Variants in RASGEF1B observed in about 807,000 individuals in gnomAD.
RASGEF1B encodes ras-GEF domain-containing family member 1B.
In RASGEF1B, 30 loss-of-function variants were observed where a neutral mutation model predicts 65.7. The ratio of observed to expected loss-of-function variants is 0.46; its 90% CI spans 0.34 to 0.62. RASGEF1B has a LOEUF of 0.62. Ranked by LOEUF, RASGEF1B falls within the 20% of genes least tolerant of loss-of-function variation. The probability of loss-of-function intolerance (pLI) is 0.01; values close to 1 mark genes in which losing one functional copy is unlikely to be tolerated. For synonymous variants in RASGEF1B, 175 were observed against 194.8 expected (o/e 0.90, Z 0.85); for missense variants, 495 against 580.1 (o/e 0.85, Z 1.51).
At chr4:81,436,873 A>G (rs1349242458) in intron 10 of RASGEF1B, among the ~76,000 whole-genome samples, 2 of 152,242 alleles carry the variant, frequency 1.3e-5, no homozygotes, top group African/African-American at 4.8e-5. Context: ...ACCAAAATGA[A>G]TCTTCTGTTT....
intron 8 of RASGEF1B, among the ~76,000 whole-genome samples, chr4:81,444,108 CT>C (rs1721939394): frequency 6.6e-6 from 1 of 151,834 alleles, no homozygotes; most frequent in African/African-American, 2.4e-5. Flanking sequence ...CTGTTTCAGT[CT>C]TTTGGCCTTT....
At chr4:81,465,565 G>C (rs1722777918) in intron 1 of RASGEF1B, among the ~76,000 whole-genome samples, 1 of 152,190 alleles carries the variant, frequency 6.6e-6, no homozygotes, top group Non-Finnish European at 1.5e-5. Context: ...TGATCCAGCA[G>C]CAAGGAAGCA....
chr4:81,447,552 T>C lies in RASGEF1B; in HGVS notation c.681A>G (p.Glu227=), dbSNP rs376060190. Residue 227 remains glutamate, a synonymous_variant, in exon 6 of 14, where the codon GAA becomes GAG. Transcript: ENST00000264400. ...TCTGCACGAACGCCTGAACAAATTC[T>C]TCTGGCCCAATATAATTGAGCCTCT... is the stretch of plus-strand genomic sequence containing the variant. ...ELERLNYIGP[E]EFVQAFVQKD... The C allele has an allele frequency of 5.6e-6, 9 of 1,613,956 alleles. No homozygotes were observed. Among genetic ancestry groups the C allele is most frequent in the Non-Finnish European group, 7.6e-6 (9 of 1,179,964 alleles).
At chr4:81,441,540 A>AT (rs552908407) in intron 9 of RASGEF1B, among the ~76,000 whole-genome samples, 6,959 of 133,796 alleles carry the variant, frequency 0.052, 302 homozygotes, top group Middle Eastern at 0.096. Context: ...CTTGCACGCG[A>AT]TTTTTTTTTT....
intron 13 of RASGEF1B, among the ~76,000 whole-genome samples, chr4:81,431,049 G>A (rs539086270): frequency 6.6e-6 from 1 of 152,060 alleles, no homozygotes; most frequent in Non-Finnish European, 1.5e-5. Context: ...ACATATGGAA[G>A]GCAAAATGTA....
intron 4 of RASGEF1B, chr4:81,452,217 T>G (rs1722284447): frequency 6.6e-6 from 1 of 152,464 alleles, no homozygotes; most frequent in African/African-American, 2.4e-5. Flanking sequence ...TTCAAGCAAT[T>G]CTCCTGCCTC....
chr4:81,431,250 A>AATAT (rs113190467), intron 13 of RASGEF1B, among the ~76,000 whole-genome samples: 33 of 146,968 alleles, frequency 2.2e-4, no homozygotes, highest in African/African-American at 5.9e-4. Context: ...TATTTTATAT[A>AATAT]ATATATATAT....
At position 81,447,529 on chromosome 4, in the gene RASGEF1B, T is replaced by G. The variant is rs1262856500; in HGVS notation, c.704A>C (p.Gln235Pro). The change falls in exon 6 of 14, where the codon CAG becomes CCG. Residue 235 changes from glutamine to proline, a missense_variant. Physicochemically the swap from Gln to Pro is moderately conservative, Grantham distance 76 (BLOSUM62 -1). Coordinates refer to ENST00000264400, the MANE Select transcript of RASGEF1B (RefSeq NM_152545.3). ...GPEEFVQAFVQKDPLDNDKSC... is the reference protein window; with the variant it reads ...GPEEFVQAFVPKDPLDNDKSC... The stretch of plus-strand genomic sequence containing the variant: ...CTTGTCATTATCCAAAGGGTCCTTC[T>G]GCACGAACGCCTGAACAAATTCTTC... 1 of 1,613,978 alleles carries G rather than the reference T, an allele frequency of 6.2e-7. No individual in the cohort carries two copies. Among genetic ancestry groups the G allele is most frequent in the Non-Finnish European group, 8.5e-7 (1 of 1,179,982 alleles).
chr4:81,461,621 T>G (rs562082524), intron 1 of RASGEF1B, among the ~76,000 whole-genome samples: 6 of 152,338 alleles, frequency 3.9e-5, no homozygotes, highest in Admixed American at 2.0e-4. Context: ...ACATTTCATT[T>G]CACTTTCCTT....
At chr4:81,449,962 C>T (rs987139877) in intron 4 of RASGEF1B, among the ~76,000 whole-genome samples, 3 of 152,104 alleles carry the variant, frequency 2.0e-5, no homozygotes, top group Admixed American at 2.0e-4. Flanking sequence ...TAGATGACCC[C>T]TATTTTTCTC....
intron 1 of RASGEF1B, among the ~76,000 whole-genome samples, chr4:81,470,654 T>C (rs1272175221): frequency 1.3e-5 from 2 of 152,180 alleles, no homozygotes; most frequent in Admixed American, 6.5e-5. Context: ...CCCAAACACA[T>C]ACACAAATTT....
At chr4:81,469,790 T>TTAG (rs1481277963) in intron 1 of RASGEF1B, among the ~76,000 whole-genome samples, 1 of 152,128 alleles carries the variant, frequency 6.6e-6, no homozygotes, top group Non-Finnish European at 1.5e-5. Flanking sequence ...ATTAGATGTG[T>TTAG]TAGTATCAGA....
chr4:81,466,773 A>AAAGAAAGAAAGAAAGAAAGAAG (rs1491383717), intron 1 of RASGEF1B, among the ~76,000 whole-genome samples: 4 of 81,188 alleles, frequency 4.9e-5, no homozygotes, highest in South Asian at 3.9e-4. Context: ...AAAAAAAAAA[A>AAAGAAAGAAAGAAAGAAAGAAG]GAAAGAAAGA....
At chr4:81,460,704 A>T (rs1722612215) in intron 1 of RASGEF1B, among the ~76,000 whole-genome samples, 1 of 152,214 alleles carries the variant, frequency 6.6e-6, no homozygotes, top group Non-Finnish European at 1.5e-5. Flanking sequence ...GTGGGGCATT[A>T]AGAGAAAACA....
intron 13 of RASGEF1B, among the ~76,000 whole-genome samples, chr4:81,431,339 G>A (rs1465566198): frequency 1.3e-5 from 2 of 151,448 alleles, no homozygotes; most frequent in African/African-American, 4.8e-5. Flanking sequence ...TATATCCCAT[G>A]GCTTTAGGCA....
rs149673218 is a variant in RASGEF1B at position 81,432,446 on chromosome 4, G to C, written c.1325-75C>G. 6.6e-6 allele frequency: 6 copies of C among 906,896 alleles called. No individual in the cohort carries two copies. In the African/African-American group the frequency reaches 9.9e-5, roughly 15 times the overall value. The allele number at this position is 906,896 out of a possible 1,614,324, so 56.2% of individuals were successfully genotyped here. A position where few individuals can be genotyped will look rare whatever the true frequency, so the allele number is the denominator to read the frequency against. On this transcript the variant is annotated intron_variant, in intron 12 of 13. Coordinates refer to ENST00000264400, the MANE Select transcript of RASGEF1B (RefSeq NM_152545.3). ...ATATTATCTACCACCACCCTTGTTCGACTTGAGCCAAACTCCATAGCAAAA... is the reference window on the plus strand; with the variant it reads ...ATATTATCTACCACCACCCTTGTTCCACTTGAGCCAAACTCCATAGCAAAA...
intron 10 of RASGEF1B, among the ~76,000 whole-genome samples, chr4:81,438,005 C>T (rs1007865460): frequency 1.2e-4 from 19 of 152,140 alleles, no homozygotes; most frequent in African/African-American, 3.6e-4. Context: ...ATAATATTTT[C>T]GAATTTCCTT....
chr4:81,437,224 T>C (rs189128933), intron 10 of RASGEF1B, among the ~76,000 whole-genome samples: 3 of 152,294 alleles, frequency 2.0e-5, no homozygotes, highest in Admixed American at 2.0e-4. Context: ...ACATTTTACA[T>C]TTGTTAAGTA....
Position 81,454,798 on chromosome 4 carries a change from A to G in RASGEF1B, c.438+1853T>C, listed in dbSNP as rs543157852. 2.0e-5 allele frequency: 3 copies of G among 152,344 alleles called. No individual in the cohort carries two copies. The South Asian group carries it at 6.2e-4, about 32-fold the overall frequency. The allele number at this position is 152,344 out of a possible 1,614,324, so 9.4% of individuals were successfully genotyped here. On this transcript the variant is annotated intron_variant, in intron 4 of 13. Coordinates refer to ENST00000264400, the MANE Select transcript of RASGEF1B (RefSeq NM_152545.3). Reference sequence around the variant, plus strand: ...GGTTCATCATAATATAATGTCAAAAAGTAACAGTAAAATGGTTAATCCCAT... The same window carrying G: ...GGTTCATCATAATATAATGTCAAAAGGTAACAGTAAAATGGTTAATCCCAT...
Sources: allele counts gnomAD v4.1 joint callset (sites outside exome capture counted in the v4.1 genomes callset), GRCh38; gene constraint gnomAD v4.1.1; transcripts MANE v1.5; gene names NCBI Gene and HGNC (gene_info 2026-07-23, HGNC 2026-07-21).